Variants in SGCZ observed in about 807,000 individuals in gnomAD.
SGCZ encodes the protein sarcoglycan zeta.
A neutral mutation model predicts 41.3 loss-of-function variants in SGCZ; 40 were observed. The ratio of observed to expected loss-of-function variants is 0.97; its 90% confidence interval spans 0.75 to 1.26. The LOEUF (loss-of-function observed/expected upper bound fraction) is 1.26. Among genes scored for constraint, SGCZ ranks in the 50% most tolerant of loss-of-function variants. The pLI, the probability that SGCZ is intolerant of heterozygous loss-of-function variation, is 0.00. For missense variants in SGCZ, 552 were observed against 369.8 expected (o/e 1.49, Z -4.04); for synonymous variants, 206 against 137.5 (o/e 1.50, Z -3.49).
At chr8:14,587,674 T>C (rs1175078314) in intron 1 of SGCZ, among the ~76,000 whole-genome samples, 6 of 152,212 alleles carry the variant, frequency 3.9e-5, no homozygotes, top group Admixed American at 3.9e-4. Context: ...AGGAAGCAGA[T>C]GTAATACTTC....
At chr8:14,974,180 A>T (rs1449726997) in intron 1 of SGCZ, among the ~76,000 whole-genome samples, 5 of 152,200 alleles carry the variant, frequency 3.3e-5, no homozygotes, top group African/African-American at 1.2e-4. Flanking sequence ...AGTGTAGAAA[A>T]GGATACAATT....
chr8:14,616,188 CAGG>C (rs1298598619), intron 1 of SGCZ, among the ~76,000 whole-genome samples: 1 of 151,526 alleles, frequency 6.6e-6, no homozygotes, highest in East Asian at 1.9e-4. Flanking sequence ...GAGGCTGAGG[CAGG>C]AGAATGGCGT....
intron 2 of SGCZ, among the ~76,000 whole-genome samples, chr8:14,544,253 A>G (rs1244005102): frequency 6.6e-6 from 1 of 152,144 alleles, no homozygotes; most frequent in African/African-American, 2.4e-5. Flanking sequence ...TGTTATCTTC[A>G]TAAGCTGAGG....
chr8:14,404,445 G>C (rs1227507073), intron 2 of SGCZ, among the ~76,000 whole-genome samples: 3 of 152,154 alleles, frequency 2.0e-5, no homozygotes, highest in East Asian at 3.8e-4. Flanking sequence ...GAGAAAGTAA[G>C]AGAATTCAGA....
chr8:14,635,056 A>G (rs1246409253), intron 1 of SGCZ, among the ~76,000 whole-genome samples: 3 of 137,658 alleles, frequency 2.2e-5, no homozygotes, highest in Non-Finnish European at 4.9e-5. Context: ...ATATTGAAAT[A>G]GTATTATAAT....
chr8:15,130,641 T>C (rs576245098), intron 1 of SGCZ, among the ~76,000 whole-genome samples: 115 of 152,322 alleles, frequency 7.5e-4, no homozygotes, highest in African/African-American at 2.7e-3. Flanking sequence ...TTTCAATGTC[T>C]GTTACTTTAA....
intron 1 of SGCZ, among the ~76,000 whole-genome samples, chr8:15,017,097 T>C (rs1290673553): frequency 2.0e-5 from 3 of 152,156 alleles, no homozygotes; most frequent in Non-Finnish European, 4.4e-5. Context: ...CCATATCAAA[T>C]AATAGTTTAA....
chr8:14,730,842 A>T (rs535305632), intron 1 of SGCZ, among the ~76,000 whole-genome samples: 2 of 151,874 alleles, frequency 1.3e-5, no homozygotes, highest in African/African-American at 4.9e-5. Context: ...ATGCTGTAGC[A>T]TCTCACACCA....
chr8:14,192,330 C>T (rs1191720815), intron 4 of SGCZ, among the ~76,000 whole-genome samples: 1 of 151,796 alleles, frequency 6.6e-6, no homozygotes, highest in African/African-American at 2.4e-5. Context: ...GGACAACTAC[C>T]ATCAAATATT....
At chr8:14,415,345 T>C (rs1303380335) in intron 2 of SGCZ, among the ~76,000 whole-genome samples, 1 of 151,900 alleles carries the variant, frequency 6.6e-6, no homozygotes, top group Non-Finnish European at 1.5e-5. Context: ...GTATTATACT[T>C]TTTCTCACTG....
chr8:14,625,185 AAG>A (rs1806413743), intron 1 of SGCZ, among the ~76,000 whole-genome samples: 1 of 152,136 alleles, frequency 6.6e-6, no homozygotes, highest in Non-Finnish European at 1.5e-5. Flanking sequence ...ACTTAAAGAT[AAG>A]TTATTCTTAT....
intron 1 of SGCZ, among the ~76,000 whole-genome samples, chr8:14,561,529 A>G (rs1286830842): frequency 2.0e-5 from 3 of 152,144 alleles, no homozygotes; most frequent in Admixed American, 6.6e-5. Flanking sequence ...TTTCTTGGCT[A>G]CTTACAGTAA....
intron 1 of SGCZ, among the ~76,000 whole-genome samples, chr8:14,598,197 TATTTC>T (rs1435886413): frequency 3.9e-5 from 6 of 152,206 alleles, no homozygotes; most frequent in South Asian, 4.1e-4. Flanking sequence ...TTATAATTTT[TATTTC>T]ATTTCAAGTG....
At chr8:15,057,361 G>C (rs1027538382) in intron 1 of SGCZ, among the ~76,000 whole-genome samples, 9 of 152,120 alleles carry the variant, frequency 5.9e-5, no homozygotes, top group Non-Finnish European at 1.2e-4. Context: ...GACCTTAAAA[G>C]TTGTTGTCAT....
intron 1 of SGCZ, among the ~76,000 whole-genome samples, chr8:14,920,776 G>A (rs1291137826): frequency 6.6e-6 from 1 of 152,144 alleles, no homozygotes; most frequent in Non-Finnish European, 1.5e-5. Context: ...ATACCTAATT[G>A]TATTTGTTTA....
intron 4 of SGCZ, 105 bp downstream of exon 4, chr8:14,237,487 C>CAAA (rs2117167289): frequency 2.1e-6 from 2 of 956,654 alleles, no homozygotes; most frequent in Admixed American, 2.2e-5. Flanking sequence ...TGTCTCAAAA[C>CAAA]AACAACAACA....
chr8:15,127,820 G>C (rs1171221489), intron 1 of SGCZ, among the ~76,000 whole-genome samples: 2 of 152,118 alleles, frequency 1.3e-5, no homozygotes, highest in Non-Finnish European at 2.9e-5. Flanking sequence ...TTCCAAAGGA[G>C]AGAAACCTAA....
chr8:15,091,216 T>G (rs2131062916), intron 1 of SGCZ, among the ~76,000 whole-genome samples: 1 of 152,278 alleles, frequency 6.6e-6, no homozygotes, highest in East Asian at 1.9e-4. Context: ...AGATGGGCCC[T>G]CATTATGTTG....
At chr8:14,545,543 A>G (rs1002165586) in intron 2 of SGCZ, among the ~76,000 whole-genome samples, 2 of 152,094 alleles carry the variant, frequency 1.3e-5, no homozygotes. Flanking sequence ...AAGATATACT[A>G]TATGCTATTA....
Sources: gnomAD v4.1 joint callset for allele counts (sites outside exome capture counted in the v4.1 genomes callset) on GRCh38, gnomAD v4.1.1 for gene constraint, MANE v1.5 for transcripts, NCBI Gene and HGNC (gene_info 2026-07-23, HGNC 2026-07-21) for gene names.